Variants in PLCE1 observed in about 807,000 individuals in gnomAD.
The protein encoded by PLCE1 is 1-phosphatidylinositol 4,5-bisphosphate phosphodiesterase epsilon-1.
In PLCE1, 119 loss-of-function variants were observed where a neutral mutation model predicts 242.8. The observed-to-expected ratio is 0.49, with a 90% CI of 0.42 to 0.57. The LOEUF (loss-of-function observed/expected upper bound fraction) is 0.57, where lower values mean the gene tolerates loss of function less well. PLCE1 is among the 20% of genes least tolerant of loss of function. PLCE1 has a pLI of 0.00. For missense variants in PLCE1, 2,441 were observed against 2,788.8 expected, an observed-to-expected ratio of 0.88 and a Z score of 2.81; for synonymous variants, 945 against 1,017.4, an observed-to-expected ratio of 0.93 and a Z score of 1.35.
rs1306920338 is a variant in PLCE1 at position 94,254,285 on chromosome 10, C to T, written c.3375C>T (p.Asp1125=). 1 of 1,611,772 alleles carries T rather than the reference C, an allele frequency of 6.2e-7. No homozygotes were observed. Among genetic ancestry groups the T allele is most frequent in the South Asian group, 1.1e-5 (1 of 91,042 alleles). ...CRSRSGSDPQ[D]INEQEESEVN... is the part of the protein sequence containing the mutation. The stretch of plus-strand genomic sequence containing the variant: ...GCCGGAGTGGTTCTGATCCTCAAGA[C>T]ATTAATGAACAAGAAGAATCAGGTA... The change falls in exon 10 of 33, where the codon GAC becomes GAT. Residue 1125 remains aspartate, a synonymous_variant. Coordinates refer to ENST00000371380, the MANE Select transcript of PLCE1 (RefSeq NM_016341.4).
intron 2 of PLCE1, among the ~76,000 whole-genome samples, chr10:94,056,902 A>G (rs1261191191): frequency 6.6e-6 from 1 of 151,346 alleles, no homozygotes; most frequent in Non-Finnish European, 1.5e-5. Context: ...GAATCACGCA[A>G]TGTTTGGCCT....
intron 1 of PLCE1, among the ~76,000 whole-genome samples, chr10:93,999,081 C>T (rs1004283917): frequency 6.6e-6 from 1 of 152,146 alleles, no homozygotes. Context: ...ATTATTTAAA[C>T]TACTAAGTTT....
At chr10:93,997,631 CCTT>C (rs1190190245) in intron 1 of PLCE1, among the ~76,000 whole-genome samples, 1 of 126,236 alleles carries the variant, frequency 7.9e-6, no homozygotes, top group Admixed American at 8.4e-5. Flanking sequence ...AAATAACCAT[CCTT>C]TTTTTTTTTT....
intron 24 of PLCE1, among the ~76,000 whole-genome samples, chr10:94,301,804 A>T (rs2053048345): frequency 6.6e-6 from 1 of 152,240 alleles, no homozygotes; most frequent in South Asian, 2.1e-4. Context: ...AGGCAGAACA[A>T]TACCGCCTCA....
chr10:94,093,059 G>A (rs754748420), intron 2 of PLCE1, among the ~76,000 whole-genome samples: 20 of 152,148 alleles, frequency 1.3e-4, no homozygotes, highest in Admixed American at 2.6e-4. Context: ...AAATCACAGG[G>A]ACAGGTTGGC....
intron 7 of PLCE1, 137 bp from the exon 8 acceptor site, chr10:94,245,809 T>C: frequency 1.3e-6 from 1 of 754,392 alleles, no homozygotes; most frequent in South Asian, 1.5e-5. Context: ...TACTGTGTGC[T>C]ATTTAGTATT....
chr10:94,070,816 C>A (rs2044330482), intron 2 of PLCE1, among the ~76,000 whole-genome samples: 1 of 152,156 alleles, frequency 6.6e-6, no homozygotes, highest in South Asian at 2.1e-4. Context: ...CAGCTTCTAT[C>A]TTTTCCCTAC....
At chr10:94,047,726 T>C (rs563449970) in intron 2 of PLCE1, among the ~76,000 whole-genome samples, 108 of 152,302 alleles carry the variant, frequency 7.1e-4, no homozygotes, top group Non-Finnish European at 1.3e-3. Context: ...TAACAGCCAA[T>C]AGTAAAACTA....
intron 3 of PLCE1, among the ~76,000 whole-genome samples, chr10:94,153,787 G>A (rs1256325304): frequency 6.6e-6 from 1 of 152,204 alleles, no homozygotes; most frequent in East Asian, 1.9e-4. Flanking sequence ...GTATGAAAAC[G>A]AAGCAAATAC....
Position 94,259,289 on chromosome 10 carries a change from T to G in PLCE1, c.3814+139T>G, listed in dbSNP as rs2051212253. The G allele has an allele frequency of 8.0e-6, 7 of 870,640 alleles. No individual in the cohort carries two copies. In the South Asian group the frequency reaches 9.7e-5, roughly 12 times the overall value. The allele number at this position is 870,640 out of a possible 1,614,324, so 53.9% of individuals were successfully genotyped here. ...TGTAGGGAAAGACTTAAGAGAATTTTTTTTTTTTTTTTGAGATGCAGTCTC... is the reference window on the plus strand; with the variant it reads ...TGTAGGGAAAGACTTAAGAGAATTTGTTTTTTTTTTTTGAGATGCAGTCTC... On this transcript the variant is annotated intron_variant, in intron 13 of 32. Coordinates refer to ENST00000371380, the MANE Select transcript of PLCE1 (RefSeq NM_016341.4).
chr10:94,031,487 G>A lies in PLCE1; in HGVS notation c.441G>A (p.Lys147=), dbSNP rs758420946. ...ETGIPSPLER[K]VFPGIQLELD... Reference sequence around the variant, plus strand: ...GAATTCCTTCTCCACTGGAAAGAAAGGTGTTCCCTGGAATTCAACTGGAAC... The same window carrying A: ...GAATTCCTTCTCCACTGGAAAGAAAAGTGTTCCCTGGAATTCAACTGGAAC... The change falls in exon 2 of 33, where the codon AAG becomes AAA. Residue 147 remains lysine (K), a synonymous_variant. Coordinates refer to ENST00000371380, the MANE Select transcript of PLCE1 (RefSeq NM_016341.4). 2.4e-5 allele frequency: 38 copies of A among 1,612,970 alleles called. No homozygotes were observed. Among genetic ancestry groups the A allele is most frequent in the Non-Finnish European group, 3.2e-5 (38 of 1,179,772 alleles).
chr10:94,200,488 C>G (rs1271510867), intron 4 of PLCE1, among the ~76,000 whole-genome samples: 2 of 152,132 alleles, frequency 1.3e-5, no homozygotes, highest in African/African-American at 4.8e-5. Flanking sequence ...AATAAATATT[C>G]TTGACTCTAT....
chr10:94,300,657 T>TGAGTCTGAACTCA (rs200822358), intron 24 of PLCE1, among the ~76,000 whole-genome samples: 3 of 152,202 alleles, frequency 2.0e-5, no homozygotes, highest in Admixed American at 2.0e-4. Context: ...CTTGTTACTC[T>TGAGTCTGAACTCA]GAGTTGAGGC....
intron 1 of PLCE1, among the ~76,000 whole-genome samples, chr10:94,003,287 C>A (rs989282046): frequency 6.6e-6 from 1 of 152,134 alleles, no homozygotes; most frequent in African/African-American, 2.4e-5. Flanking sequence ...GTTTAAATTA[C>A]TTTGAAGAAG....
At position 94,246,337 on chromosome 10, in the gene PLCE1, C is replaced by A. The variant is rs772882305; in HGVS notation, c.2812C>A (p.Leu938Ile). 1 of 1,614,156 alleles carries A rather than the reference C, an allele frequency of 6.2e-7. No individual in the cohort carries two copies. Among genetic ancestry groups the A allele is most frequent in the South Asian group, 1.1e-5 (1 of 91,082 alleles). ...TAGCCTGACGGAAGGGGTCTTGGAT[C>A]TTTTTGCAGTGAAGGCTGTATACAT... ...LSSLTEGVLD[L>I]FAVKAVYMGH... is the part of the protein sequence containing the mutation. The change falls in exon 8 of 33, where the codon CTT becomes ATT. Residue 938 changes from leucine (L) to isoleucine (I), a missense_variant. Leu to Ile is a conservative substitution (Grantham distance 5). This residue lies in a region of PLCE1 where 733 missense variants were observed against 754.2 expected (regional missense o/e 0.97). Transcript: ENST00000371380.
At chr10:94,067,922 G>T (rs1249997199) in intron 2 of PLCE1, among the ~76,000 whole-genome samples, 1 of 152,142 alleles carries the variant, frequency 6.6e-6, no homozygotes, top group Non-Finnish European at 1.5e-5. Flanking sequence ...TGGGGAAGGG[G>T]AACATGCAAA....
chr10:94,016,947 T>G (rs1191311471), intron 1 of PLCE1, among the ~76,000 whole-genome samples: 1 of 152,170 alleles, frequency 6.6e-6, no homozygotes, highest in Non-Finnish European at 1.5e-5. Flanking sequence ...TATTAAAAAA[T>G]GAACTATACT....
At chr10:94,080,709 C>T (rs1429732044) in intron 2 of PLCE1, among the ~76,000 whole-genome samples, 1 of 152,194 alleles carries the variant, frequency 6.6e-6, no homozygotes, top group East Asian at 1.9e-4. Flanking sequence ...CTCTCAAAAA[C>T]AGAGTTATCC....
rs2053450278 is a variant in PLCE1, at chr10:94,313,354, G to A, written c.6104G>A (p.Gly2035Asp). Residue 2035 changes from glycine (G) to aspartate (D), a missense_variant, in exon 28 of 33, where the codon GGC (glycine) becomes GAC (aspartate). By Grantham distance (94) the Gly-to-Asp change is moderately conservative. Coordinates refer to ENST00000371380, the MANE Select transcript of PLCE1 (RefSeq NM_016341.4). ...TTTACCGTTTTCACTATTAATGGAGGCACCAAGGCAAAGCAGCTTCTGCAG... is the reference window on the plus strand; with the variant it reads ...TTTACCGTTTTCACTATTAATGGAGACACCAAGGCAAAGCAGCTTCTGCAG... The part of the protein sequence containing the change: ...EPFTVFTING[G>D]TKAKQLLQQI... 6.2e-7 allele frequency: 1 copy of A among 1,614,142 alleles called. No individual in the cohort carries two copies. The highest frequency in any genetic ancestry group is 8.5e-7 in the Non-Finnish European group (1 of 1,180,008).
Sources: gnomAD v4.1 joint callset for allele counts (sites outside exome capture counted in the v4.1 genomes callset) on GRCh38, gnomAD v4.1.1 for gene constraint, gnomAD v4.1.1 regional missense constraint, MANE v1.5 for transcripts, NCBI Gene and HGNC (gene_info 2026-07-23, HGNC 2026-07-21) for gene names.